Variants in CXorf58 observed in about 807,000 individuals in gnomAD.
CXorf58 encodes uncharacterized protein CXorf58.
A neutral mutation model predicts 26.0 loss-of-function variants in CXorf58; 24 were observed. The ratio of observed to expected loss-of-function variants is 0.92; its 90% CI spans 0.67 to 1.30. The LOEUF is 1.30. Among genes scored for constraint, CXorf58 ranks in the 50% most tolerant of loss-of-function variants. The pLI is 0.00. For synonymous variants in CXorf58, 87 were observed against 86.1 expected (o/e 1.01, Z -0.06); for missense variants, 236 against 263.9 (o/e 0.89, Z 0.73).
intron 6 of CXorf58, among the ~76,000 whole-genome samples, chrX:23,928,475 G>A (rs1233655913): frequency 2.7e-5 from 3 of 111,269 alleles, no homozygotes; most frequent in African/African-American, 9.8e-5. Flanking sequence ...GAGCCACCAC[G>A]CCTGGCCGAT....
At chrX:23,910,255 C>T in intron 1 of CXorf58, 28 bp from the exon 2 acceptor site, 1 of 782,829 alleles carries the variant, frequency 1.3e-6, no homozygotes, top group African/African-American at 2.0e-5. Context: ...AAATTATGAC[C>T]TCAAAGGGTT....
rs764175819 is a variant in CXorf58, at chrX:23,939,274, G to C, written c.970G>C (p.Asp324His). ...EPKTGPSGTKDNYHLHSIF is the reference protein window; with the variant it reads ...EPKTGPSGTKHNYHLHSIF ...AAAAACGGGCCCATCAGGTACAAAG[G>C]ATAACTATCATCTCCACTCCATCTT... The change falls in exon 9 of 9, where the codon GAT (aspartate) becomes CAT (histidine). Residue 324 changes from aspartate (D) to histidine (H), a missense_variant. Coordinates refer to ENST00000379211, the MANE Select transcript of CXorf58 (RefSeq NM_152761.3). The C allele has an allele frequency of 8.4e-7, 1 of 1,196,353 alleles. No individual in the cohort carries two copies. Among genetic ancestry groups the C allele is most frequent in the East Asian group, 3.0e-5 (1 of 33,518 alleles).
chrX:23,924,598 C>T (rs1601964154), intron 5 of CXorf58, among the ~76,000 whole-genome samples: 1 of 106,016 alleles, frequency 9.4e-6, no homozygotes, highest in South Asian at 4.3e-4. Flanking sequence ...GCTGGGATTA[C>T]AGGTGTGAGC....
rs1279021037 is a variant in CXorf58, at chrX:23,935,321, T to G, written c.681T>G (p.Ser227=). Residue 227 remains serine, a synonymous_variant, in exon 7 of 9, where the codon TCT becomes TCG. Transcript: ENST00000379211. ...LMYDIVHYSE[S]GVISNRLRNE... ...ATGACATAGTTCATTATTCAGAGTC[T>G]GGAGTGATCTCAAACCGTCTACGAA... is the stretch of plus-strand genomic sequence containing the variant. The G allele has an allele frequency of 2.5e-6, 3 of 1,209,021 alleles. No individual in the cohort carries two copies. Among genetic ancestry groups the G allele is most frequent in the Non-Finnish European group, 3.4e-6 (3 of 892,934 alleles).
chrX:23,936,993 G>A (rs1928309951), intron 7 of CXorf58, among the ~76,000 whole-genome samples: 1 of 112,230 alleles, frequency 8.9e-6, no homozygotes, highest in Admixed American at 9.5e-5. Context: ...CCAAGAATAA[G>A]TAATTTAAGA....
At chrX:23,930,038 A>G (rs1430600022) in intron 6 of CXorf58, among the ~76,000 whole-genome samples, 1 of 108,095 alleles carries the variant, frequency 9.3e-6, no homozygotes, top group Non-Finnish European at 1.9e-5. Context: ...TCTACTAAAA[A>G]ATACAAAAAT....
At chrX:23,935,936 CTAA>C (rs1928287650) in intron 7 of CXorf58, among the ~76,000 whole-genome samples, 1 of 110,858 alleles carries the variant, frequency 9.0e-6, no homozygotes. Context: ...CCATGCCCGG[CTAA>C]TTTTTGTATT....
chrX:23,939,416 C>T lies in CXorf58; in HGVS notation c.*113C>T. 1.9e-6 allele frequency: 1 copy of T among 523,925 alleles called. No individual in the cohort carries two copies. The highest frequency in any genetic ancestry group is 3.1e-6 in the Non-Finnish European group (1 of 320,025). The allele number at this position is 523,925 out of a possible 1,213,427, so 43.2% of individuals were successfully genotyped here. A position where few individuals can be genotyped will look rare whatever the true frequency, so the allele number is the denominator to read the frequency against. ...GGTGATTCTCCATCATGATAATGAA[C>T]AGTTAATTGACAGAAAACCAAAGTT... On this transcript the variant is annotated 3_prime_UTR_variant, in exon 9 of 9. Transcript: ENST00000379211.
chrX:23,927,460 T>C (rs780460267), intron 6 of CXorf58, 90 bp downstream of exon 6: 2 of 426,601 alleles, frequency 4.7e-6, no homozygotes, highest in East Asian at 9.9e-5. Flanking sequence ...TTTTTTATTA[T>C]GGTAAAATAT....
At chrX:23,923,359 C>T (rs1927916998) in intron 5 of CXorf58, among the ~76,000 whole-genome samples, 1 of 109,971 alleles carries the variant, frequency 9.1e-6, no homozygotes, top group Non-Finnish European at 1.9e-5. Context: ...CTGAGTGGGG[C>T]AGTGTAGGGA....
Position 23,911,879 on chromosome X carries a change from T to TC in CXorf58, c.216+24dup. On this transcript the variant is annotated intron_variant, in intron 3 of 8. Transcript: ENST00000379211. ...GCGGTATGTATTTTGCTTATTTTTT[T>TC]CTCTGAGGGATTTAATTATCAAGCT... The TC allele has an allele frequency of 3.0e-6, 3 of 1,005,522 alleles. No individual in the cohort carries two copies. The South Asian group carries it at 6.0e-5, about 20-fold the overall frequency. 82.9% of individuals were successfully genotyped at this position (1,005,522 alleles called of 1,213,427 possible).
At chrX:23,921,979 T>C (rs764441986) in intron 5 of CXorf58, among the ~76,000 whole-genome samples, 3 of 110,917 alleles carry the variant, frequency 2.7e-5, no homozygotes, top group African/African-American at 9.8e-5. Context: ...CTGAGCCTAC[T>C]GAGCACTTTC....
chrX:23,932,216 T>C (rs1244743926), intron 6 of CXorf58, among the ~76,000 whole-genome samples: 1 of 112,742 alleles, frequency 8.9e-6, no homozygotes, highest in African/African-American at 3.2e-5. Context: ...ACTTTAAATG[T>C]TGCAAAATAT....
chrX:23,916,825 G>A (rs1387069003), intron 5 of CXorf58, among the ~76,000 whole-genome samples: 1 of 108,143 alleles, frequency 9.2e-6, no homozygotes, highest in African/African-American at 3.4e-5. Flanking sequence ...AGGAGGTGGA[G>A]GCTGCAGTGA....
intron 1 of CXorf58, among the ~76,000 whole-genome samples, chrX:23,909,829 AG>A (rs1477960671): frequency 8.9e-6 from 1 of 112,084 alleles, no homozygotes; most frequent in Non-Finnish European, 1.9e-5. Context: ...ACTTGCCCAA[AG>A]TCTCACTGCT....
At chrX:23,933,887 A>ACC (rs1569255844) in intron 6 of CXorf58, among the ~76,000 whole-genome samples, 6 of 108,397 alleles carry the variant, frequency 5.5e-5, no homozygotes, top group African/African-American at 2.1e-4. Context: ...TCCCCCCCAA[A>ACC]AAAAAAAAAA....
chrX:23,908,739 G>A (rs1670511681), intron 1 of CXorf58, among the ~76,000 whole-genome samples: 1 of 111,919 alleles, frequency 8.9e-6, no homozygotes, highest in African/African-American at 3.2e-5. Flanking sequence ...CCCCATCCAG[G>A]CGAGCATCTG....
At chrX:23,933,328 C>T (rs1928212615) in intron 6 of CXorf58, among the ~76,000 whole-genome samples, 1 of 110,948 alleles carries the variant, frequency 9.0e-6, no homozygotes. Flanking sequence ...ATTCTGTTTC[C>T]TAGCACTGTA....
intron 5 of CXorf58, among the ~76,000 whole-genome samples, chrX:23,917,201 G>A (rs1178324169): frequency 2.8e-5 from 3 of 105,520 alleles, no homozygotes; most frequent in Non-Finnish European, 5.8e-5. Flanking sequence ...CAAGCGTAGT[G>A]GTGCATGCCT....
Sources: allele counts gnomAD v4.1 joint callset (sites outside exome capture counted in the v4.1 genomes callset), GRCh38; gene constraint gnomAD v4.1.1; transcripts MANE v1.5; gene names NCBI Gene and HGNC (gene_info 2026-07-23, HGNC 2026-07-21).